Variants in RAB33A observed in about 807,000 individuals in gnomAD.
RAB33A encodes RAB33A, member RAS oncogene family, also known as ras-related protein Rab-33A.
In RAB33A, 6 loss-of-function variants were observed where a neutral mutation model predicts 12.0. The observed-to-expected ratio is 0.50, with a 90% CI of 0.27 to 0.99. The LOEUF is 0.99. Among genes scored for constraint, RAB33A ranks in the 50% least tolerant of loss-of-function variants. The pLI is 0.11. For synonymous variants in RAB33A, 70 were observed against 82.4 expected, an observed-to-expected ratio of 0.85 and a Z score of 0.81; for missense variants, 109 against 192.0, an observed-to-expected ratio of 0.57 and a Z score of 2.55.
At chrX:130,121,252 CTTT>C in the RAB33A span, among the ~76,000 whole-genome samples, 5 of 94,775 alleles carry the variant, frequency 5.3e-5, no homozygotes, top group African/African-American at 8.0e-5. Context: ...CTTTTCTTTT[CTTT>C]TTTTTTTTTT....
chrX:130,141,138 A>C, the RAB33A span, among the ~76,000 whole-genome samples: 8 of 111,836 alleles, frequency 7.2e-5, no homozygotes, highest in Admixed American at 7.6e-4. Flanking sequence ...AAACAAAAAA[A>C]CCCCAAAACC....
the RAB33A span, among the ~76,000 whole-genome samples, chrX:130,126,006 C>T: frequency 1.8e-5 from 2 of 112,264 alleles, no homozygotes; most frequent in East Asian, 5.6e-4. Context: ...CATCTGATAC[C>T]GTTTATGAAA....
the RAB33A span, among the ~76,000 whole-genome samples, chrX:130,164,642 A>G: frequency 8.9e-6 from 1 of 111,799 alleles, no homozygotes; most frequent in South Asian, 3.7e-4. Context: ...GCTCAGATAA[A>G]TTCACGGATA....
chrX:130,169,500 A>T (rs1265098391), upstream of RAB33A, among the ~76,000 whole-genome samples: 1 of 111,908 alleles, frequency 8.9e-6, no homozygotes, highest in Non-Finnish European at 1.9e-5. Flanking sequence ...TACAATAGGT[A>T]CAATAAGGTA....
chrX:130,170,769 A>G (rs997600040), upstream of RAB33A, among the ~76,000 whole-genome samples: 1 of 112,094 alleles, frequency 8.9e-6, no homozygotes, highest in Non-Finnish European at 1.9e-5. Flanking sequence ...GGGATTCCCA[A>G]CTCCCTCTGA....
intron 1 of RAB33A, among the ~76,000 whole-genome samples, chrX:130,179,054 A>C (rs1353570879): frequency 2.8e-5 from 3 of 105,912 alleles, no homozygotes; most frequent in Non-Finnish European, 5.8e-5. Context: ...TGGTTCTTCT[A>C]TTTTCTGCTG....
the RAB33A span, among the ~76,000 whole-genome samples, chrX:130,141,139 C>A: frequency 9.0e-6 from 1 of 111,482 alleles, no homozygotes; most frequent in African/African-American, 3.3e-5. Context: ...AACAAAAAAA[C>A]CCCAAAACCA....
the RAB33A span, among the ~76,000 whole-genome samples, chrX:130,150,630 C>T: frequency 1.3e-4 from 14 of 106,041 alleles, no homozygotes; most frequent in Non-Finnish European, 1.4e-4. Flanking sequence ...CCACCGCGCC[C>T]GGCCTATTGG....
At chrX:130,134,303 T>C in the RAB33A span, among the ~76,000 whole-genome samples, 1 of 111,421 alleles carries the variant, frequency 9.0e-6, no homozygotes, top group Non-Finnish European at 1.9e-5. Flanking sequence ...TATAGTTTTG[T>C]TTACTTATGT....
chrX:130,123,692 C>A, the RAB33A span, among the ~76,000 whole-genome samples: 1 of 59,479 alleles, frequency 1.7e-5, no homozygotes, highest in Non-Finnish European at 2.7e-5. Context: ...CAGAGGGAGA[C>A]TCTGTCTCAA....
the RAB33A span, among the ~76,000 whole-genome samples, chrX:130,141,131 C>CA: frequency 4.5e-5 from 5 of 111,539 alleles, no homozygotes; most frequent in Admixed American, 3.8e-4. Flanking sequence ...CAAAACAAAA[C>CA]AAAAAAACCC....
rs1293927377 is a variant in RAB33A, at chrX:130,178,319, A to C, written c.259-5966A>C. Reference sequence around the variant, plus strand: ...GGTGACACAATGAGATCTTGTCTGGAAAAGAGAGAGAGAGAGAGAGAGAAA... The same window carrying C: ...GGTGACACAATGAGATCTTGTCTGGCAAAGAGAGAGAGAGAGAGAGAGAAA... On this transcript the variant is annotated intron_variant, in intron 1 of 1. Coordinates refer to ENST00000257017, the MANE Select transcript of RAB33A (RefSeq NM_004794.3). Among the ~76,000 whole-genome samples, 4 of 61,223 alleles carry C rather than the reference A, an allele frequency of 6.5e-5. 1 individual carries two copies. Among genetic ancestry groups the C allele is most frequent in the Admixed American group, 4.9e-4 (3 of 6,112 alleles). 53.2% of individuals were successfully genotyped at this position (61,223 alleles called of 115,157 possible). A position where few individuals can be genotyped will look rare whatever the true frequency, so the allele number is the denominator to read the frequency against.
chrX:130,155,043 T>C, the RAB33A span: 3 of 985,325 alleles, frequency 3.0e-6, no homozygotes, highest in Admixed American at 6.7e-5. Flanking sequence ...AATAAACACC[T>C]AGAGAAAGCA....
chrX:130,116,583 C>T, the RAB33A span, among the ~76,000 whole-genome samples: 3 of 112,453 alleles, frequency 2.7e-5, no homozygotes, highest in Non-Finnish European at 3.8e-5. Flanking sequence ...TAAGCCATCG[C>T]GCCTGGCCAC....
chrX:130,137,062 GAA>G, the RAB33A span: 7 of 1,209,353 alleles, frequency 5.8e-6, no homozygotes, highest in East Asian at 1.8e-4. Context: ...GCAGCATATA[GAA>G]ACAGTCTCTC....
the RAB33A span, among the ~76,000 whole-genome samples, chrX:130,113,241 C>T: frequency 3.8e-5 from 4 of 105,648 alleles, no homozygotes; most frequent in South Asian, 8.6e-4. Context: ...CCACCATGCC[C>T]GGCTAATTTT....
At chrX:130,153,028 A>C in the RAB33A span, among the ~76,000 whole-genome samples, 1 of 110,783 alleles carries the variant, frequency 9.0e-6, no homozygotes, top group South Asian at 3.8e-4. Context: ...TCATGGTAAA[A>C]ATTTTTAAAA....
chrX:130,182,242 CAT>C (rs1406848035), intron 1 of RAB33A, among the ~76,000 whole-genome samples: 9 of 91,166 alleles, frequency 9.9e-5, no homozygotes, highest in Admixed American at 2.7e-4. Flanking sequence ...ATATATATAA[CAT>C]ATACACTATA....
chrX:130,137,565 T>G, the RAB33A span: 1 of 1,159,933 alleles, frequency 8.6e-7, no homozygotes, highest in Non-Finnish European at 1.2e-6. Flanking sequence ...CCATGAAACA[T>G]TCCAACTGGA....
Sources: gnomAD v4.1 joint callset for allele counts (sites outside exome capture counted in the v4.1 genomes callset) on GRCh38, gnomAD v4.1.1 for gene constraint, MANE v1.5 for transcripts, NCBI Gene and HGNC (gene_info 2026-07-23, HGNC 2026-07-21) for gene names.